Variants in TMEM267 observed in about 807,000 individuals in gnomAD.
The protein encoded by TMEM267 is transmembrane protein 267.
A neutral mutation model predicts 19.3 loss-of-function variants in TMEM267; 20 were observed. The ratio of observed to expected loss-of-function variants is 1.04; its 90% CI spans 0.73 to 1.51. The LOEUF (loss-of-function observed/expected upper bound fraction) is 1.51. Among genes scored for constraint, TMEM267 ranks in the 40% most tolerant of loss-of-function variants. The pLI is 0.00. For missense variants in TMEM267, 242 were observed against 261.9 expected (o/e 0.92, Z 0.52); for synonymous variants, 88 against 90.3 (o/e 0.97, Z 0.15).
intron 2 of TMEM267, among the ~76,000 whole-genome samples, chr5:43,452,833 C>A (rs138220938): frequency 6.6e-6 from 1 of 152,292 alleles, no homozygotes; most frequent in African/African-American, 2.4e-5. Flanking sequence ...ATTTCTCATT[C>A]ATTCCACAAA....
chr5:43,455,405 A>G (rs1300600980), intron 1 of TMEM267, among the ~76,000 whole-genome samples: 6 of 151,882 alleles, frequency 4.0e-5, no homozygotes, highest in Non-Finnish European at 7.4e-5. Context: ...CCTGGGCAAC[A>G]CAGAGACCCT....
Position 43,446,349 on chromosome 5 carries a change from G to A in TMEM267, c.521C>T (p.Ser174Phe). The A allele has an allele frequency of 6.2e-7, 1 of 1,613,962 alleles. No homozygotes were observed. The highest frequency in any genetic ancestry group is 8.5e-7 in the Non-Finnish European group (1 of 1,179,882). The change falls in exon 3 of 3, where the codon TCT becomes TTT. Residue 174 changes from serine to phenylalanine, a missense_variant. Transcript: ENST00000397080. The stretch of plus-strand genomic sequence containing the variant: ...TACATAAAGCCAGAATGGCAAAGGA[G>A]AAGTTTTTCCAAATGGGCATATCCA... ...GLWICPFGKT[S>F]PLPFWLYVII... is the part of the protein sequence containing the mutation.
intron 1 of TMEM267, among the ~76,000 whole-genome samples, chr5:43,480,289 A>G (rs1184589066): frequency 1.3e-5 from 2 of 152,078 alleles, no homozygotes; most frequent in Non-Finnish European, 2.9e-5. Flanking sequence ...CTGCCACTCA[A>G]TCTTTGTTTA....
intron 2 of TMEM267, among the ~76,000 whole-genome samples, chr5:43,450,953 A>G (rs968902804): frequency 2.7e-5 from 4 of 149,764 alleles, no homozygotes; most frequent in Non-Finnish European, 5.9e-5. Context: ...TCTTGCCTCA[A>G]CCTCCCAAGT....
intron 1 of TMEM267, among the ~76,000 whole-genome samples, chr5:43,454,957 A>G (rs1296598156): frequency 6.6e-6 from 1 of 152,224 alleles, no homozygotes; most frequent in African/African-American, 2.4e-5. Context: ...TCCTGAGACT[A>G]AAGAATAACT....
chr5:43,453,237 T>C (rs1742719824), intron 2 of TMEM267, among the ~76,000 whole-genome samples: 3 of 152,246 alleles, frequency 2.0e-5, no homozygotes. Context: ...AGGAGCTGCA[T>C]ACTAACTGTA....
chr5:43,480,477 G>A (rs1329325083), intron 1 of TMEM267, among the ~76,000 whole-genome samples: 1 of 151,496 alleles, frequency 6.6e-6, no homozygotes, highest in Non-Finnish European at 1.5e-5. Flanking sequence ...CCAAGCTTGG[G>A]CAATTTTTTC....
intron 1 of TMEM267, among the ~76,000 whole-genome samples, chr5:43,457,188 T>C (rs904712533): frequency 2.0e-5 from 3 of 152,176 alleles, no homozygotes; most frequent in African/African-American, 7.2e-5. Flanking sequence ...TAGTCAAAAA[T>C]AACATATCAA....
intron 1 of TMEM267, among the ~76,000 whole-genome samples, chr5:43,466,265 A>C (rs1339452374): frequency 6.6e-6 from 1 of 152,202 alleles, no homozygotes; most frequent in African/African-American, 2.4e-5. Flanking sequence ...AAAATAAACA[A>C]ATAACATACT....
chr5:43,463,978 T>G (rs1579808166), intron 1 of TMEM267, among the ~76,000 whole-genome samples: 1 of 152,106 alleles, frequency 6.6e-6, no homozygotes, highest in African/African-American at 2.4e-5. Context: ...GAGAAGGAAA[T>G]AAAGGGTATT....
intron 1 of TMEM267, among the ~76,000 whole-genome samples, chr5:43,476,490 C>A (rs1271189061): frequency 7.9e-6 from 1 of 126,390 alleles, no homozygotes; most frequent in East Asian, 2.6e-4. Context: ...TGGATCCTAA[C>A]TGATACAAAA....
chr5:43,465,770 C>G (rs932051727), intron 1 of TMEM267, among the ~76,000 whole-genome samples: 1 of 151,924 alleles, frequency 6.6e-6, no homozygotes, highest in Non-Finnish European at 1.5e-5. Context: ...CACATGGACA[C>G]AGGAAGGGGA....
At chr5:43,479,950 T>C (rs1744662889) in intron 1 of TMEM267, 1 of 412,882 alleles carries the variant, frequency 2.4e-6, no homozygotes, top group South Asian at 1.8e-5. Flanking sequence ...TCACAAATTA[T>C]GAATCATTGT....
chr5:43,448,826 A>T (rs991831750), intron 2 of TMEM267, among the ~76,000 whole-genome samples: 3 of 151,688 alleles, frequency 2.0e-5, no homozygotes, highest in Non-Finnish European at 2.9e-5. Context: ...CCCTGTTCCT[A>T]GTAACAAATA....
intron 1 of TMEM267, among the ~76,000 whole-genome samples, chr5:43,481,609 G>A (rs1744772040): frequency 6.6e-6 from 1 of 152,032 alleles, no homozygotes; most frequent in African/African-American, 2.4e-5. Context: ...TATATATAAT[G>A]GGTATAATGC....
chr5:43,478,048 T>G (rs1288531664), intron 1 of TMEM267, among the ~76,000 whole-genome samples: 1 of 152,244 alleles, frequency 6.6e-6, no homozygotes, highest in Non-Finnish European at 1.5e-5. Flanking sequence ...TCTGTATAGA[T>G]GAACATGGGT....
intron 2 of TMEM267, among the ~76,000 whole-genome samples, chr5:43,447,381 C>T (rs1374019336): frequency 1.3e-5 from 2 of 152,056 alleles, no homozygotes; most frequent in African/African-American, 2.4e-5. Context: ...TGAGCCATGA[C>T]GCCCGGCAAA....
At chr5:43,452,621 C>T (rs1282601432) in intron 2 of TMEM267, among the ~76,000 whole-genome samples, 1 of 149,100 alleles carries the variant, frequency 6.7e-6, no homozygotes, top group Non-Finnish European at 1.5e-5. Flanking sequence ...AAGAAAAGTA[C>T]TCTACTAACA....
chr5:43,453,794 A>G lies in TMEM267; in HGVS notation c.176T>C (p.Val59Ala). ...TACCGCCCATGACCACATGCCAATT[A>G]CACAATGTACTGCATTATCTGAGAG... ...RALSDNAVHC[V>A]IGMWSWAVVT... The change falls in exon 2 of 3, where the codon GTA (valine) becomes GCA (alanine). Residue 59 changes from valine to alanine, a missense_variant. Val to Ala is a moderately conservative substitution (Grantham distance 64, BLOSUM62 0). Transcript: ENST00000397080. The G allele has an allele frequency of 6.2e-7, 1 of 1,614,152 alleles. No individual in the cohort carries two copies. Among genetic ancestry groups the G allele is most frequent in the Non-Finnish European group, 8.5e-7 (1 of 1,180,014 alleles).
Sources: gnomAD v4.1 joint callset for allele counts (sites outside exome capture counted in the v4.1 genomes callset) on GRCh38, gnomAD v4.1.1 for gene constraint, MANE v1.5 for transcripts, NCBI Gene and HGNC (gene_info 2026-07-23, HGNC 2026-07-21) for gene names.